PPP1R1C: variants seen among roughly 807,000 people sequenced by gnomAD.
PPP1R1C encodes the protein protein phosphatase 1 regulatory inhibitor subunit 1C.
A neutral mutation model predicts 17.4 loss-of-function variants in PPP1R1C; 15 were observed. The ratio of observed to expected loss-of-function variants is 0.86; its 90% CI spans 0.58 to 1.33. The LOEUF is 1.33. Ranked by LOEUF, PPP1R1C falls within the 40% of genes most tolerant of loss-of-function variation. The pLI, the probability that PPP1R1C is intolerant of heterozygous loss-of-function variation, is 0.00. For missense variants in PPP1R1C, 143 were observed against 130.0 expected, an observed-to-expected ratio of 1.10 and a Z score of -0.48; for synonymous variants, 35 against 43.1, an observed-to-expected ratio of 0.81 and a Z score of 0.73.
At chr2:181,984,327 T>C (rs1290505843), upstream of PPP1R1C, among the ~76,000 whole-genome samples, 2 of 152,236 alleles carry the variant, frequency 1.3e-5, no homozygotes, top group Non-Finnish European at 2.9e-5. Flanking sequence ...TGTTCTTAAT[T>C]ATTACATTAT....
At position 181,961,328 on chromosome 2, in the gene PPP1R1C, C is replaced by T. The variant is rs1684779931; in HGVS notation, n.111+6694C>T. On this transcript the variant is annotated intron_variant and non_coding_transcript_variant, in intron 1 of 5. Transcript: ENST00000464264. The surrounding 1 kb of genome is among the most constrained non-coding windows in gnomAD (Gnocchi z 5.8). ...TCACCAAGATTGAAGTCATCATCAT[C>T]AAGCAGGCGGTGGTAGGTGGCGCTC... is the stretch of plus-strand genomic sequence containing the variant. 1.4e-6 allele frequency: 1 copy of T among 726,894 alleles called. No homozygotes were observed. The highest frequency in any genetic ancestry group is 1.7e-5 in the African/African-American group (1 of 58,536). The allele number at this position is 726,894 out of a possible 1,614,324, so 45.0% of individuals were successfully genotyped here.
At chr2:182,123,070 T>G (rs1689773763) in intron 5 of PPP1R1C, among the ~76,000 whole-genome samples, 1 of 152,216 alleles carries the variant, frequency 6.6e-6, no homozygotes, top group Non-Finnish European at 1.5e-5. Flanking sequence ...GTTCTCATTG[T>G]CTAACTTCCA....
intron 1 of PPP1R1C, among the ~76,000 whole-genome samples, chr2:181,968,960 ACAAG>A (rs898617992): frequency 6.6e-6 from 1 of 152,204 alleles, no homozygotes; most frequent in African/African-American, 2.4e-5. Context: ...ACAAAAACAA[ACAAG>A]CAAAGAGAAA....
intron 5 of PPP1R1C, among the ~76,000 whole-genome samples, chr2:182,122,909 G>A (rs1266811837): frequency 6.6e-6 from 1 of 152,034 alleles, no homozygotes; most frequent in Non-Finnish European, 1.5e-5. Context: ...AGAACGTACA[G>A]GTTTGTTACA....
chr2:182,069,210 A>C (rs1288071769), intron 4 of PPP1R1C, among the ~76,000 whole-genome samples: 1 of 151,626 alleles, frequency 6.6e-6, no homozygotes, highest in East Asian at 1.9e-4. Context: ...TATGCAGCTC[A>C]AGAAACATTT....
intron 4 of PPP1R1C, among the ~76,000 whole-genome samples, chr2:182,113,158 G>A (rs1689489670): frequency 6.6e-6 from 1 of 152,140 alleles, no homozygotes; most frequent in South Asian, 2.1e-4. Flanking sequence ...CAGTGATGAG[G>A]AACTCACTCA....
chr2:182,077,324 C>G (rs1010034560), intron 4 of PPP1R1C, among the ~76,000 whole-genome samples: 2 of 152,086 alleles, frequency 1.3e-5, no homozygotes, highest in African/African-American at 4.8e-5. Flanking sequence ...AACGCCTGAT[C>G]GTCTTAATTT....
At chr2:181,958,131 C>T (rs142649649) in intron 1 of PPP1R1C, among the ~76,000 whole-genome samples, 3 of 152,206 alleles carry the variant, frequency 2.0e-5, no homozygotes, top group African/African-American at 7.2e-5. Context: ...AGGAAGCGCT[C>T]CCAAGAAAAA....
At chr2:182,059,494 GA>G (rs1012529705) in intron 2 of PPP1R1C, among the ~76,000 whole-genome samples, 5 of 151,044 alleles carry the variant, frequency 3.3e-5, no homozygotes, top group African/African-American at 1.2e-4. Flanking sequence ...GGCCCTGAGG[GA>G]AAAAAAAGGA....
At chr2:181,973,905 T>C (rs1559042156) in intron 1 of PPP1R1C, among the ~76,000 whole-genome samples, 2 of 152,218 alleles carry the variant, frequency 1.3e-5, no homozygotes, top group Non-Finnish European at 2.9e-5. Context: ...GAAAAGGTTG[T>C]CTAATCAATT....
intron 1 of PPP1R1C, among the ~76,000 whole-genome samples, chr2:181,966,079 A>G (rs1684899497): frequency 6.6e-6 from 1 of 152,050 alleles, no homozygotes; most frequent in Non-Finnish European, 1.5e-5. Flanking sequence ...TTGTAAAGGT[A>G]ATTATTTTTT....
intron 5 of PPP1R1C, among the ~76,000 whole-genome samples, chr2:182,123,817 G>C (rs1327906767): frequency 1.3e-5 from 2 of 152,104 alleles, no homozygotes; most frequent in Admixed American, 1.3e-4. Flanking sequence ...TGTTCACTCT[G>C]ATGGTAGTTT....
intron 2 of PPP1R1C, among the ~76,000 whole-genome samples, chr2:181,990,279 C>T (rs1685438630): frequency 6.6e-6 from 1 of 151,988 alleles, no homozygotes; most frequent in African/African-American, 2.4e-5. Flanking sequence ...GCTGGGACTA[C>T]AGGCTCCTGC....
At chr2:182,022,064 C>T (rs1190082327) in intron 2 of PPP1R1C, among the ~76,000 whole-genome samples, 1 of 151,996 alleles carries the variant, frequency 6.6e-6, no homozygotes, top group Admixed American at 6.6e-5. Flanking sequence ...CAGTCATGAT[C>T]TAAATTGTAT....
At chr2:182,061,335 TA>T (rs986281552) in intron 2 of PPP1R1C, 106 bp from the exon 3 acceptor site, 3 of 809,654 alleles carry the variant, frequency 3.7e-6, no homozygotes. Context: ...AGTTTTTGTA[TA>T]AGGCAATTAT....
intron 2 of PPP1R1C, among the ~76,000 whole-genome samples, chr2:182,011,147 G>A (rs1686078395): frequency 6.6e-6 from 1 of 152,010 alleles, no homozygotes; most frequent in Admixed American, 6.6e-5. Context: ...GATGAGTTTG[G>A]AAGCATTCCC....
At chr2:182,019,829 A>C (rs1014749874) in intron 2 of PPP1R1C, among the ~76,000 whole-genome samples, 8 of 152,210 alleles carry the variant, frequency 5.3e-5, no homozygotes, top group African/African-American at 1.9e-4. Flanking sequence ...AAGTTTATCA[A>C]ATCAGCAAAA....
intron 2 of PPP1R1C, among the ~76,000 whole-genome samples, chr2:182,038,733 G>T (rs2125177605): frequency 6.6e-6 from 1 of 152,294 alleles, no homozygotes; most frequent in African/African-American, 2.4e-5. Flanking sequence ...TAATGTGTTT[G>T]GCAGCTGATA....
chr2:182,025,910 G>A (rs1686594318), intron 2 of PPP1R1C, among the ~76,000 whole-genome samples: 1 of 146,036 alleles, frequency 6.8e-6, no homozygotes, highest in African/African-American at 2.7e-5. Context: ...TCTAACTGGT[G>A]TGAGATGGTA....
Sources: allele counts gnomAD v4.1 joint callset (sites outside exome capture counted in the v4.1 genomes callset), GRCh38; gene constraint gnomAD v4.1.1; non-coding constraint Gnocchi (gnomAD v3.1); transcripts MANE v1.5; gene names NCBI Gene and HGNC (gene_info 2026-07-23, HGNC 2026-07-21).